RANBP2: variants seen among roughly 807,000 people sequenced by gnomAD.
RANBP2 encodes the protein E3 SUMO-protein ligase RanBP2.
RANBP2 carries 57 observed loss-of-function variants against 303.6 expected under a neutral mutation model. That is an observed-to-expected ratio of 0.19 (90% CI 0.15 to 0.23). The LOEUF (loss-of-function observed/expected upper bound fraction) is 0.23. Among genes scored for constraint, RANBP2 ranks in the 10% least tolerant of loss-of-function variants. RANBP2 has a pLI of 1.00. For missense variants in RANBP2, 3,138 were observed against 3,780.8 expected (o/e 0.83, Z 4.46); for synonymous variants, 1,167 against 1,301.5 (o/e 0.90, Z 2.23).
At chr2:108,873,616 T>A in the RANBP2 span, 2 of 1,511,980 alleles carry the variant, frequency 1.3e-6, no homozygotes. Flanking sequence ...TCTAACATTT[T>A]TTATTGAAAA....
chr2:108,880,346 A>G, the RANBP2 span, among the ~76,000 whole-genome samples: 1 of 152,342 alleles, frequency 6.6e-6, no homozygotes, highest in Admixed American at 6.5e-5. Context: ...GTTCTTCCCA[A>G]CTTGATCTAT....
chr2:108,735,695 A>G lies in RANBP2; in HGVS notation c.569A>G (p.Glu190Gly). The stretch of plus-strand genomic sequence containing the variant: ...AAGGATGCTGTGGCCCACTGCCATG[A>G]GGCAGAGAGGAACATAGCTTTGCGT... ...RLKDAVAHCH[E>G]AERNIALRSS... Residue 190 changes from glutamate (E) to glycine (G), a missense_variant, in exon 5 of 29, where the codon GAG becomes GGG. Glu to Gly is a moderately conservative substitution (Grantham distance 98, BLOSUM62 -2). This residue lies in a region of RANBP2 where 306 missense variants were observed against 381.9 expected (regional missense o/e 0.80). Coordinates refer to ENST00000283195, the MANE Select transcript of RANBP2 (RefSeq NM_006267.5). The G allele has an allele frequency of 1.3e-6, 2 of 1,597,606 alleles. No individual in the cohort carries two copies. The highest frequency in any genetic ancestry group is 2.7e-5 in the African/African-American group (2 of 74,994).
the RANBP2 span, chr2:108,798,467 C>T: frequency 6.2e-7 from 1 of 1,613,720 alleles, no homozygotes; most frequent in African/African-American, 1.3e-5. Context: ...TGAAGAACTT[C>T]AAAAGCGAGA....
At chr2:109,150,604 T>A in the RANBP2 span, among the ~76,000 whole-genome samples, 2 of 152,114 alleles carry the variant, frequency 1.3e-5, no homozygotes, top group African/African-American at 4.8e-5. Flanking sequence ...CCAGAGAAGT[T>A]GAGTAGCTTG....
the RANBP2 span, among the ~76,000 whole-genome samples, chr2:109,436,262 G>A: frequency 6.6e-6 from 1 of 152,204 alleles, no homozygotes; most frequent in Non-Finnish European, 1.5e-5. Flanking sequence ...CTGCCTCCAG[G>A]ACATGGATTA....
chr2:109,066,343 G>C, the RANBP2 span, among the ~76,000 whole-genome samples: 5 of 152,072 alleles, frequency 3.3e-5, no homozygotes, highest in Non-Finnish European at 7.4e-5. Context: ...TCCTGACCTC[G>C]TGATCTGCCC....
the RANBP2 span, among the ~76,000 whole-genome samples, chr2:108,981,211 G>T: frequency 1.3e-5 from 2 of 152,158 alleles, no homozygotes; most frequent in Non-Finnish European, 2.9e-5. Context: ...TCCACCACCA[G>T]CACGGGAAGG....
At chr2:109,399,195 ATGTC>A in the RANBP2 span, among the ~76,000 whole-genome samples, 5 of 151,990 alleles carry the variant, frequency 3.3e-5, no homozygotes, top group African/African-American at 1.2e-4. Context: ...GGTCCAGGGA[ATGTC>A]TGAGTAACAC....
At chr2:109,734,417 A>C in the RANBP2 span, among the ~76,000 whole-genome samples, 1 of 152,148 alleles carries the variant, frequency 6.6e-6, no homozygotes, top group African/African-American at 2.4e-5. Flanking sequence ...CTTAGAAATA[A>C]ATCTAACTGA....
chr2:108,798,488 C>T, the RANBP2 span: 3 of 1,613,800 alleles, frequency 1.9e-6, no homozygotes, highest in Non-Finnish European at 2.5e-6. Context: ...ACGTTTTTTA[C>T]TTGAAAGAGA....
the RANBP2 span, chr2:108,910,492 C>T: frequency 1.2e-6 from 2 of 1,613,990 alleles, no homozygotes; most frequent in South Asian, 1.1e-5. Flanking sequence ...TTGCTGTCAG[C>T]TTCTCAAATT....
the RANBP2 span, among the ~76,000 whole-genome samples, chr2:108,832,450 C>T: frequency 1.3e-5 from 2 of 149,728 alleles, no homozygotes; most frequent in Non-Finnish European, 3.0e-5. Context: ...CAAGTTCAAG[C>T]GATTCTCCTG....
At chr2:108,844,516 A>G in the RANBP2 span, among the ~76,000 whole-genome samples, 4 of 151,834 alleles carry the variant, frequency 2.6e-5, no homozygotes. Flanking sequence ...GACAATTCTA[A>G]CATTCTGTCC....
chr2:109,501,771 C>A, the RANBP2 span: 1 of 646,904 alleles, frequency 1.5e-6, no homozygotes, highest in South Asian at 1.7e-5. Flanking sequence ...GGTTCCAGGT[C>A]ATCTCCAAGG....
At chr2:109,372,139 C>T in the RANBP2 span, among the ~76,000 whole-genome samples, 2 of 152,348 alleles carry the variant, frequency 1.3e-5, no homozygotes, top group Admixed American at 6.5e-5. Context: ...CCTCCTTGGA[C>T]TCAGGGTTAT....
chr2:109,075,821 G>A, the RANBP2 span, among the ~76,000 whole-genome samples: 1 of 150,104 alleles, frequency 6.7e-6, no homozygotes, highest in African/African-American at 2.4e-5. Context: ...GGAGATTGAG[G>A]CATTAATCAA....
the RANBP2 span, among the ~76,000 whole-genome samples, chr2:109,012,621 TA>T: frequency 6.7e-6 from 1 of 148,212 alleles, no homozygotes; most frequent in South Asian, 2.1e-4. Context: ...AAAAAATTTT[TA>T]AACTTCATTC....
the RANBP2 span, among the ~76,000 whole-genome samples, chr2:109,301,430 C>G: frequency 3.0e-3 from 464 of 152,156 alleles, 15 homozygotes; most frequent in East Asian, 0.082. Flanking sequence ...CCCCTGCATT[C>G]CTCTCCTCCG....
At chr2:108,834,185 A>G in the RANBP2 span, among the ~76,000 whole-genome samples, 1 of 148,576 alleles carries the variant, frequency 6.7e-6, no homozygotes, top group African/African-American at 2.6e-5. Context: ...GCTGATCTGT[A>G]ATGAGAGTTT....
Sources: gnomAD v4.1 joint callset for allele counts (sites outside exome capture counted in the v4.1 genomes callset) on GRCh38, gnomAD v4.1.1 for gene constraint, gnomAD v4.1.1 regional missense constraint, MANE v1.5 for transcripts, NCBI Gene and HGNC (gene_info 2026-07-23, HGNC 2026-07-21) for gene names.